The following SCML4 variants were observed in gnomAD, a reference collection of about 807,000 sequenced individuals.
SCML4 encodes sex comb on midleg-like protein 4.
In SCML4, 34 loss-of-function variants were observed where a neutral mutation model predicts 41.1. That is an observed-to-expected ratio of 0.83 (90% CI 0.63 to 1.10). SCML4 has a LOEUF of 1.10. Ranked by LOEUF, SCML4 falls within the 50% of genes least tolerant of loss-of-function variation. The pLI is 0.00. For missense variants in SCML4, 522 were observed against 534.1 expected (o/e 0.98, Z 0.22); for synonymous variants, 214 against 220.9 (o/e 0.97, Z 0.28).
rs1774170662 is a variant in SCML4, at chr6:107,711,173, G to GTT, written c.974-3163_974-3162insAA. ...TGCTGGCTAGGACCAACCAAAACCT[G>GTT]AGTCTTAACTGCCTGCTCTATAAAA... On this transcript the variant is annotated intron_variant, in intron 6 of 7. Coordinates refer to ENST00000369020, the MANE Select transcript of SCML4 (RefSeq NM_198081.5). Among the ~76,000 whole-genome samples, 2 of 9,884 alleles carry GTT rather than the reference G, an allele frequency of 2.0e-4. 1 individual carries two copies. 6.5% of individuals were successfully genotyped at this position (9,884 alleles called of 152,430 possible).
chr6:107,775,923 G>A (rs1225713978), intron 1 of SCML4, among the ~76,000 whole-genome samples: 1 of 151,968 alleles, frequency 6.6e-6, no homozygotes, highest in East Asian at 1.9e-4. Flanking sequence ...ACACGAAAGT[G>A]CAACAAATGA....
chr6:107,706,515 G>A (rs1166193083), intron 7 of SCML4, among the ~76,000 whole-genome samples: 1 of 152,208 alleles, frequency 6.6e-6, no homozygotes, highest in Non-Finnish European at 1.5e-5. Context: ...AAAAATAATG[G>A]TCACTGTGGA....
chr6:107,751,638 C>CTTTCTT (rs1554211248), intron 2 of SCML4, among the ~76,000 whole-genome samples: 2 of 128,476 alleles, frequency 1.6e-5, no homozygotes, highest in African/African-American at 6.1e-5. Context: ...TTCTTTCTTT[C>CTTTCTT]TTTCTTTCTT....
intron 1 of SCML4, among the ~76,000 whole-genome samples, chr6:107,818,571 A>G (rs990311126): frequency 6.6e-6 from 1 of 152,256 alleles, no homozygotes; most frequent in African/African-American, 2.4e-5. Flanking sequence ...GAAAGAGGTC[A>G]GCCTCTTCTT....
chr6:107,729,182 G>A (rs921251920), intron 5 of SCML4, among the ~76,000 whole-genome samples: 6 of 152,154 alleles, frequency 3.9e-5, no homozygotes, highest in Admixed American at 6.5e-5. Flanking sequence ...GGTTTAAAAC[G>A]ACAGAAATTT....
intron 1 of SCML4, among the ~76,000 whole-genome samples, chr6:107,775,799 A>G (rs1328217599): frequency 6.6e-6 from 1 of 152,170 alleles, no homozygotes; most frequent in Non-Finnish European, 1.5e-5. Flanking sequence ...TAAATCTCCA[A>G]TCATGGCAGC....
chr6:107,826,159 G>A (rs7750499), upstream of SCML4, among the ~76,000 whole-genome samples: 11,925 of 151,524 alleles, frequency 0.079, 1,425 homozygotes, highest in African/African-American at 0.26. Context: ...CAGGAGAATC[G>A]CTTGAACCTG....
chr6:107,789,275 A>T (rs872308), intron 1 of SCML4, among the ~76,000 whole-genome samples: 146,668 of 152,278 alleles, frequency 0.96, 70,899 homozygotes, highest in Non-Finnish European at 1. Context: ...CCAGACACTA[A>T]GCAGAGCACA....
rs1318793950 is a variant in SCML4 at position 107,703,449 on chromosome 6, G to C, written c.*1751C>G. The stretch of plus-strand genomic sequence containing the variant: ...CATGCTCTCAGTCCAGCCGCCATTT[G>C]TGTGTCTGAAAAGGAGGCTACGATG... On this transcript the variant is annotated 3_prime_UTR_variant, in exon 8 of 8. Transcript: ENST00000369020. Among the ~76,000 whole-genome samples the C allele has an allele frequency of 6.6e-6, 1 of 152,190 alleles. No homozygotes were observed. The highest frequency in any genetic ancestry group is 1.5e-5 in the Non-Finnish European group (1 of 68,042).
chr6:107,724,380 G>A (rs1356552178), intron 5 of SCML4, among the ~76,000 whole-genome samples: 2 of 152,106 alleles, frequency 1.3e-5, no homozygotes, highest in African/African-American at 2.4e-5. Flanking sequence ...TTATGTGTAC[G>A]AAATCCTAAG....
At chr6:107,778,641 C>A (rs555948906) in intron 1 of SCML4, among the ~76,000 whole-genome samples, 1 of 152,230 alleles carries the variant, frequency 6.6e-6, no homozygotes, top group African/African-American at 2.4e-5. Flanking sequence ...TACATGTTAG[C>A]TTTGCAAATC....
chr6:107,817,637 A>AAAAAAAAAAAAAAAAAAAAC (rs1784648446), intron 1 of SCML4, among the ~76,000 whole-genome samples: 1 of 37,928 alleles, frequency 2.6e-5, no homozygotes, highest in African/African-American at 2.0e-4. Flanking sequence ...AAAAAAAAAG[A>AAAAAAAAAAAAAAAAAAAAC]AAAAAAAAAA....
chr6:107,709,529 A>G (rs1242997979), intron 6 of SCML4, among the ~76,000 whole-genome samples: 1 of 152,118 alleles, frequency 6.6e-6, no homozygotes, highest in Non-Finnish European at 1.5e-5. Context: ...ACTTGTTGTG[A>G]CCGACCGAAT....
At position 107,744,963 on chromosome 6, in the gene SCML4, C is replaced by G. The variant is rs767935814; in HGVS notation, c.668G>C (p.Gly223Ala). The change falls in exon 5 of 8, where the codon GGG (glycine) becomes GCG (alanine). Residue 223 changes from glycine to alanine, a missense_variant. Coordinates refer to ENST00000369020, the MANE Select transcript of SCML4 (RefSeq NM_198081.5). ...ASEKVQEKEE[G>A]RMESVKTVTT... ...ACAAGGCCTACCTGATTCCATCCTC[C>G]CTTCCTCTTTCTCCTGGACTTTCTC... 6.2e-7 allele frequency: 1 copy of G among 1,610,908 alleles called. No homozygotes were observed. Among genetic ancestry groups the G allele is most frequent in the East Asian group, 2.2e-5 (1 of 44,772 alleles).
chr6:107,725,509 A>G (rs1396083335), intron 5 of SCML4, among the ~76,000 whole-genome samples: 2 of 152,210 alleles, frequency 1.3e-5, no homozygotes, highest in East Asian at 1.9e-4. Flanking sequence ...AGACCATTCA[A>G]TGGAAGAAAG....
chr6:107,730,145 A>T (rs1220895108), intron 5 of SCML4, among the ~76,000 whole-genome samples: 1 of 152,214 alleles, frequency 6.6e-6, no homozygotes, highest in Non-Finnish European at 1.5e-5. Flanking sequence ...TTCTTACCTA[A>T]ATCCAATATT....
intron 5 of SCML4, chr6:107,739,926 T>G (rs892901850): frequency 5.6e-5 from 20 of 358,976 alleles, no homozygotes; most frequent in Non-Finnish European, 8.7e-5. Flanking sequence ...CTTCCTCCAC[T>G]TTCCCCAAGG....
intron 3 of SCML4, among the ~76,000 whole-genome samples, chr6:107,747,330 A>G (rs1397727553): frequency 1.2e-4 from 19 of 152,204 alleles, no homozygotes; most frequent in Admixed American, 1.2e-3. Flanking sequence ...TCAAGATGCC[A>G]CTATCACTCC....
chr6:107,705,991 A>C (rs1773582023), intron 7 of SCML4, among the ~76,000 whole-genome samples: 1 of 152,226 alleles, frequency 6.6e-6, no homozygotes, highest in Non-Finnish European at 1.5e-5. Flanking sequence ...TCATGAACCT[A>C]GCAAGGCTGG....
Sources: allele counts gnomAD v4.1 joint callset (sites outside exome capture counted in the v4.1 genomes callset), GRCh38; gene constraint gnomAD v4.1.1; transcripts MANE v1.5; gene names NCBI Gene and HGNC (gene_info 2026-07-23, HGNC 2026-07-21).